The following TFDP1 variants were observed in gnomAD, a reference collection of about 807,000 sequenced individuals.
TFDP1 encodes the protein DRTF1-polypeptide 1.
TFDP1 carries 6 observed loss-of-function variants against 48.0 expected under a neutral mutation model. The observed-to-expected ratio is 0.13, with a 90% CI of 0.07 to 0.25. The LOEUF (loss-of-function observed/expected upper bound fraction) is 0.25. Ranked by LOEUF, TFDP1 falls within the 10% of genes least tolerant of loss-of-function variation. The probability of loss-of-function intolerance (pLI) is 1.00; values close to 1 mark genes in which losing one functional copy is unlikely to be tolerated. For synonymous variants in TFDP1, 201 were observed against 211.6 expected (o/e 0.95, Z 0.44); for missense variants, 335 against 543.0 (o/e 0.62, Z 3.81).
chr13:113,598,547 C>A lies in TFDP1; in HGVS notation c.13-12449C>A, dbSNP rs2048338007. Among the ~76,000 whole-genome samples, 2 of 152,176 alleles carry A rather than the reference C, an allele frequency of 1.3e-5. No individual in the cohort carries two copies. Among genetic ancestry groups the A allele is most frequent in the African/African-American group, 4.8e-5 (2 of 41,424 alleles). On this transcript the variant is annotated intron_variant, in intron 2 of 11. Coordinates refer to ENST00000375370, the MANE Select transcript of TFDP1 (RefSeq NM_007111.5). The surrounding 1 kb of genome is among the most constrained non-coding windows in gnomAD (Gnocchi z 4.2). The stretch of plus-strand genomic sequence containing the variant: ...AGGTTCTGGTGCCCCCGAAGCACAG[C>A]CCCACCTCCCTAACCTGCCCTCCTG...
rs1027392578 is a variant in TFDP1, at chr13:113,631,916, G to T, written c.308+172G>T. 5.7e-6 allele frequency: 5 copies of T among 870,364 alleles called. No individual in the cohort carries two copies. The Admixed American group carries it at 1.3e-4, about 23-fold the overall frequency. The allele number at this position is 870,364 out of a possible 1,614,324, so 53.9% of individuals were successfully genotyped here. A position where few individuals can be genotyped will look rare whatever the true frequency, so the allele number is the denominator to read the frequency against. ...TCGTGGCCTGCACAGGTGTGCAGCCGAGGCGCACTGCCTCGGTCATGGAGA... is the reference window on the plus strand; with the variant it reads ...TCGTGGCCTGCACAGGTGTGCAGCCTAGGCGCACTGCCTCGGTCATGGAGA... On this transcript the variant is annotated intron_variant, in intron 5 of 11. Coordinates refer to ENST00000375370, the MANE Select transcript of TFDP1 (RefSeq NM_007111.5).
In TFDP1 at chr13:113,640,247, G is replaced by A. The variant is rs750582262; in HGVS notation, c.1213G>A (p.Glu405Lys). ...EDDEEDDDFN[E>K]NDEDD is the part of the protein sequence containing the mutation. ...CGACGAGGAGGACGATGACTTCAAC[G>A]AGAATGACGAGGACGACTGACGTCC... Residue 405 changes from glutamate (E) to lysine (K), a missense_variant, in exon 12 of 12, where the codon GAG becomes AAG. By Grantham distance (56) the Glu-to-Lys change is moderately conservative (BLOSUM62 1). Around this residue, in one of 3 missense-constraint regions of TFDP1, gnomAD observed 204 missense variants for 287.1 expected, o/e 0.71. Transcript: ENST00000375370. 5.0e-6 allele frequency: 8 copies of A among 1,612,918 alleles called. No individual in the cohort carries two copies. The highest frequency in any genetic ancestry group is 6.8e-6 in the Non-Finnish European group (8 of 1,179,638).
In TFDP1 at chr13:113,611,662, G is replaced by A. The variant is rs552021570; in HGVS notation, c.79+600G>A. ...CTGTGGTTTACGTTCGTGAAGGTGT[G>A]TGTGCTCACCTGGTTACTTCCTGGG... is the stretch of plus-strand genomic sequence containing the variant. On this transcript the variant is annotated intron_variant, in intron 3 of 11. Coordinates refer to ENST00000375370, the MANE Select transcript of TFDP1 (RefSeq NM_007111.5). Among the ~76,000 whole-genome samples the A allele has an allele frequency of 3.3e-5, 5 of 152,238 alleles. No individual in the cohort carries two copies. In the East Asian group the frequency reaches 5.8e-4, roughly 18 times the overall value.
chr13:113,619,394 G>C (rs1306088197), intron 3 of TFDP1, among the ~76,000 whole-genome samples: 1 of 151,540 alleles, frequency 6.6e-6, no homozygotes, highest in Non-Finnish European at 1.5e-5. Flanking sequence ...TCGCTGGAAC[G>C]CGGGAGGCGG....
At chr13:113,604,606 C>G (rs2048518631) in intron 2 of TFDP1, among the ~76,000 whole-genome samples, 1 of 151,652 alleles carries the variant, frequency 6.6e-6, no homozygotes, top group Admixed American at 6.6e-5. Context: ...GCGTGCACCC[C>G]TTGCGCATCC....
intron 4 of TFDP1, among the ~76,000 whole-genome samples, chr13:113,630,546 C>T (rs2049308405): frequency 6.6e-6 from 1 of 152,192 alleles, no homozygotes; most frequent in South Asian, 2.1e-4. Flanking sequence ...CCCCCGCCAG[C>T]ATACAGGTGT....
At chr13:113,600,683 T>C (rs1410783029) in intron 2 of TFDP1, among the ~76,000 whole-genome samples, 3 of 107,986 alleles carry the variant, frequency 2.8e-5, no homozygotes, top group East Asian at 7.4e-4. Context: ...GATAGAGAAC[T>C]CAGGATGGTG....
chr13:113,611,055 C>T lies in TFDP1; in HGVS notation c.72C>T (p.Pro24=), dbSNP rs144432965. The T allele has an allele frequency of 8.4e-5, 136 of 1,613,854 alleles. No individual in the cohort carries two copies. The highest frequency in any genetic ancestry group is 1.0e-4 in the Non-Finnish European group (122 of 1,179,868). Residue 24 remains proline, a synonymous_variant, in exon 3 of 12, where the codon CCC becomes CCT. Transcript: ENST00000375370. ...TCTTCATAGACCAGAACCTTAGTCC[C>T]GGGAAAGGTAAGGGCACCTGTTCTG... The part of the protein sequence containing the change: ...LKVFIDQNLS[P]GKGVVSLVAV...
At chr13:113,601,218 C>T (rs2048416828) in intron 2 of TFDP1, among the ~76,000 whole-genome samples, 1 of 152,212 alleles carries the variant, frequency 6.6e-6, no homozygotes, top group Non-Finnish European at 1.5e-5. Context: ...CTTGAACCAG[C>T]AGCGTCTGTC....
Position 113,639,955 on chromosome 13 carries a change from G to A in TFDP1, c.1086-165G>A, listed in dbSNP as rs577622511. 6.6e-4 allele frequency among the ~76,000 whole-genome samples: 101 copies of A among 152,370 alleles called. 1 individual carries two copies. Among genetic ancestry groups the A allele is most frequent in the Middle Eastern group, 3.4e-3 (1 of 294 alleles). ...ACAGAGATGGAGTAAGTGCCAGAGC[G>A]TTGGCGTGCTGTAGTGCAGACACTC... On this transcript the variant is annotated intron_variant, in intron 11 of 11. Transcript: ENST00000375370.
At chr13:113,616,396 T>C (rs2048860140) in intron 3 of TFDP1, among the ~76,000 whole-genome samples, 1 of 152,086 alleles carries the variant, frequency 6.6e-6, no homozygotes, top group South Asian at 2.1e-4. Context: ...TCTCGTAGAG[T>C]GCTCATGATT....
At chr13:113,596,666 G>C (rs903784809) in intron 2 of TFDP1, among the ~76,000 whole-genome samples, 1 of 152,146 alleles carries the variant, frequency 6.6e-6, no homozygotes, top group Admixed American at 6.5e-5. Flanking sequence ...ACTTTTGCCC[G>C]GACTTAACCT....
At chr13:113,622,515 G>C (rs765157663) in intron 3 of TFDP1, among the ~76,000 whole-genome samples, 7 of 152,216 alleles carry the variant, frequency 4.6e-5, no homozygotes, top group Non-Finnish European at 1.0e-4. Context: ...CTCTCTGCCC[G>C]CTGATGCCAG....
intron 2 of TFDP1, among the ~76,000 whole-genome samples, chr13:113,590,899 A>G (rs1353714971): frequency 6.8e-6 from 1 of 147,742 alleles, no homozygotes; most frequent in East Asian, 2.0e-4. Flanking sequence ...AGTCCCAGCT[A>G]CTGGGGAGGC....
At chr13:113,606,237 G>A (rs530728976) in intron 2 of TFDP1, among the ~76,000 whole-genome samples, 19 of 152,120 alleles carry the variant, frequency 1.2e-4, no homozygotes, top group African/African-American at 4.6e-4. Context: ...AGGCCGCGTG[G>A]TGGTGAGTGT....
chr13:113,605,677 G>A (rs2048545940), intron 2 of TFDP1, among the ~76,000 whole-genome samples: 1 of 152,248 alleles, frequency 6.6e-6, no homozygotes, highest in Non-Finnish European at 1.5e-5. Context: ...GGCCGCTTGA[G>A]TATCCTCACA....
chr13:113,629,773 C>T (rs925735536), intron 4 of TFDP1, among the ~76,000 whole-genome samples: 10 of 149,956 alleles, frequency 6.7e-5, no homozygotes, highest in African/African-American at 2.3e-4. Context: ...GTCAGTTCCT[C>T]GTTGTAAGTC....
chr13:113,623,100 G>A lies in TFDP1; in HGVS notation c.80-80G>A, dbSNP rs371371216. The A allele has an allele frequency of 3.4e-4, 422 of 1,256,084 alleles. 1 individual carries two copies. Among genetic ancestry groups the A allele is most frequent in the African/African-American group, 2.2e-3 (149 of 67,338 alleles). The allele number at this position is 1,256,084 out of a possible 1,614,324, so 77.8% of individuals were successfully genotyped here. A position where few individuals can be genotyped will look rare whatever the true frequency, so the allele number is the denominator to read the frequency against. ...CTAAGCATCTCTAATTGCAAGCACCGTCTTGCATTTAGAATGGTCGCTTGT... is the reference window on the plus strand; with the variant it reads ...CTAAGCATCTCTAATTGCAAGCACCATCTTGCATTTAGAATGGTCGCTTGT... On this transcript the variant is annotated intron_variant, in intron 3 of 11. Transcript: ENST00000375370. The surrounding 1 kb of genome is among the most constrained non-coding windows in gnomAD (Gnocchi z 5.2).
chr13:113,629,639 G>A (rs563948560), intron 4 of TFDP1, among the ~76,000 whole-genome samples: 15 of 152,218 alleles, frequency 9.9e-5, no homozygotes, highest in Non-Finnish European at 1.5e-4. Context: ...ATCTGAGCAC[G>A]TGTAAGGTAG....
Sources: allele counts gnomAD v4.1 joint callset (sites outside exome capture counted in the v4.1 genomes callset), GRCh38; gene constraint gnomAD v4.1.1; regional missense constraint gnomAD v4.1.1; non-coding constraint Gnocchi (gnomAD v3.1); transcripts MANE v1.5; gene names NCBI Gene and HGNC (gene_info 2026-07-23, HGNC 2026-07-21).